EYS: variants seen among roughly 807,000 people sequenced by gnomAD.
The protein encoded by EYS is protein eyes shut homolog.
EYS carries 250 observed loss-of-function variants against 282.1 expected under a neutral mutation model. The ratio of observed to expected loss-of-function variants is 0.89; its 90% confidence interval spans 0.80 to 0.98. The LOEUF is 0.98. Ranked by LOEUF, EYS falls within the 50% of genes least tolerant of loss-of-function variation. The probability of loss-of-function intolerance (pLI) is 0.00; values close to 1 mark genes in which losing one functional copy is unlikely to be tolerated. For synonymous variants in EYS, 1,355 were observed against 1,282.9 expected, an observed-to-expected ratio of 1.06 and a Z score of -1.20; for missense variants, 4,016 against 3,709.0, an observed-to-expected ratio of 1.08 and a Z score of -2.15.
chr6:64,400,285 A>G (rs1222212388), intron 28 of EYS: 1 of 152,058 alleles, frequency 6.6e-6, no homozygotes, highest in Non-Finnish European at 1.5e-5. Context: ...TTCATACTTA[A>G]AATTCTTCAT....
intron 5 of EYS, among the ~76,000 whole-genome samples, chr6:65,482,560 T>A (rs1363974255): frequency 6.6e-6 from 1 of 152,218 alleles, no homozygotes; most frequent in East Asian, 1.9e-4. Context: ...TTTCTTTCCA[T>A]GAGCAAAATT....
intron 35 of EYS, among the ~76,000 whole-genome samples, chr6:63,890,000 A>T (rs1258509676): frequency 2.0e-5 from 3 of 152,204 alleles, no homozygotes; most frequent in Non-Finnish European, 4.4e-5. Context: ...TAAACCAACA[A>T]AGATCAAAAA....
chr6:64,546,988 C>T (rs1050492443), intron 26 of EYS, among the ~76,000 whole-genome samples: 10 of 152,240 alleles, frequency 6.6e-5, no homozygotes, highest in South Asian at 2.1e-4. Flanking sequence ...CGGAACCTCG[C>T]GGTGAGTGTT....
At chr6:64,767,562 C>T (rs1773391730) in intron 22 of EYS, among the ~76,000 whole-genome samples, 1 of 152,026 alleles carries the variant, frequency 6.6e-6, no homozygotes, top group Admixed American at 6.6e-5. Flanking sequence ...TGGCTTATTA[C>T]ACTTAACATA....
intron 12 of EYS, among the ~76,000 whole-genome samples, chr6:65,173,049 A>G (rs1765142486): frequency 6.6e-6 from 1 of 151,294 alleles, no homozygotes; most frequent in Non-Finnish European, 1.5e-5. Context: ...CTACTTTAGA[A>G]TGTACAGCTT....
At chr6:64,415,495 G>A (rs1031633046) in intron 28 of EYS, among the ~76,000 whole-genome samples, 1 of 152,134 alleles carries the variant, frequency 6.6e-6, no homozygotes, top group South Asian at 2.1e-4. Context: ...TCCTAATAGA[G>A]AATTACTCTT....
At chr6:65,371,515 T>A (rs536443965) in intron 8 of EYS, among the ~76,000 whole-genome samples, 32 of 151,938 alleles carry the variant, frequency 2.1e-4, no homozygotes, top group Middle Eastern at 3.4e-3. Context: ...AATTTGGGTG[T>A]AAATGCTCAC....
intron 12 of EYS, among the ~76,000 whole-genome samples, chr6:65,211,759 C>A (rs926968683): frequency 2.6e-5 from 4 of 151,894 alleles, no homozygotes; most frequent in African/African-American, 7.3e-5. Flanking sequence ...GCCCCTATAG[C>A]TATCCAAACT....
At chr6:64,653,923 A>G (rs1357776281) in intron 22 of EYS, among the ~76,000 whole-genome samples, 1 of 152,146 alleles carries the variant, frequency 6.6e-6, no homozygotes, top group Non-Finnish European at 1.5e-5. Flanking sequence ...AATAAATTTG[A>G]TAATCACAAA....
chr6:64,451,671 G>A (rs558978318), intron 26 of EYS, among the ~76,000 whole-genome samples: 65 of 152,130 alleles, frequency 4.3e-4, no homozygotes, highest in South Asian at 1.2e-3. Flanking sequence ...ATGATCAAGC[G>A]GGCTTCATCC....
At chr6:65,497,428 T>A (rs970137866) in intron 2 of EYS, among the ~76,000 whole-genome samples, 4 of 151,996 alleles carry the variant, frequency 2.6e-5, no homozygotes, top group African/African-American at 9.7e-5. Flanking sequence ...AGGAAAAATG[T>A]TCCAGGAGAG....
At chr6:64,551,892 C>T (rs1347096687) in intron 26 of EYS, among the ~76,000 whole-genome samples, 1 of 152,118 alleles carries the variant, frequency 6.6e-6, no homozygotes, top group Admixed American at 6.5e-5. Context: ...TTTTAATGAT[C>T]GCCATTCTAA....
intron 26 of EYS, among the ~76,000 whole-genome samples, chr6:64,502,576 A>G (rs991282664): frequency 3.9e-5 from 6 of 151,976 alleles, no homozygotes; most frequent in African/African-American, 1.2e-4. Flanking sequence ...TTAGCAATGC[A>G]CTCATTTTCA....
At chr6:65,145,946 C>T (rs1277301808) in intron 12 of EYS, among the ~76,000 whole-genome samples, 1 of 151,594 alleles carries the variant, frequency 6.6e-6, no homozygotes, top group Admixed American at 6.6e-5. Context: ...TACTCTATTC[C>T]ATTAAGTATA....
chr6:63,999,970 C>T (rs955027216), intron 33 of EYS, among the ~76,000 whole-genome samples: 2 of 152,026 alleles, frequency 1.3e-5, no homozygotes, highest in South Asian at 2.1e-4. Context: ...AAGTTTATTT[C>T]GTAGGGACAA....
chr6:64,408,835 G>A (rs901821498), intron 28 of EYS, among the ~76,000 whole-genome samples: 4 of 152,134 alleles, frequency 2.6e-5, no homozygotes, highest in Admixed American at 6.6e-5. Flanking sequence ...ACATGTGCAC[G>A]CTTGTTACAT....
chr6:64,640,478 C>T (rs1419396082), intron 22 of EYS, among the ~76,000 whole-genome samples: 1 of 150,916 alleles, frequency 6.6e-6, no homozygotes, highest in Admixed American at 6.6e-5. Flanking sequence ...GACAAGAAAC[C>T]AAACACCACA....
At chr6:65,114,694 TC>T (rs1775316604) in intron 12 of EYS, among the ~76,000 whole-genome samples, 1 of 151,938 alleles carries the variant, frequency 6.6e-6, no homozygotes, top group African/African-American at 2.4e-5. Flanking sequence ...AAGTTATTTA[TC>T]CCTCTTTGAT....
chr6:65,482,138 C>A (rs1039613033), intron 5 of EYS, among the ~76,000 whole-genome samples: 1 of 151,976 alleles, frequency 6.6e-6, no homozygotes, highest in African/African-American at 2.4e-5. Flanking sequence ...ATCATAGTGA[C>A]TAGAGAAACA....
Sources: allele counts gnomAD v4.1 joint callset (sites outside exome capture counted in the v4.1 genomes callset), GRCh38; gene constraint gnomAD v4.1.1; transcripts MANE v1.5; gene names NCBI Gene and HGNC (gene_info 2026-07-23, HGNC 2026-07-21).